Variants in CPEB1 observed in about 807,000 individuals in gnomAD.
CPEB1 encodes cytoplasmic polyadenylation element binding protein 1, also known as cytoplasmic polyadenylation element-binding protein 1.
CPEB1 carries 7 observed loss-of-function variants against 65.8 expected under a neutral mutation model. That is an observed-to-expected ratio of 0.11 (90% CI 0.06 to 0.20). The LOEUF (loss-of-function observed/expected upper bound fraction) is 0.20. Ranked by LOEUF, CPEB1 falls within the 10% of genes least tolerant of loss-of-function variation. The probability of loss-of-function intolerance (pLI) is 1.00; values close to 1 mark genes in which losing one functional copy is unlikely to be tolerated. For missense variants in CPEB1, 551 were observed against 712.2 expected (o/e 0.77, Z 2.58); for synonymous variants, 262 against 260.0 (o/e 1.01, Z -0.08).
At chr15:82,596,220 C>G (rs2042652442) in intron 3 of CPEB1, among the ~76,000 whole-genome samples, 1 of 152,082 alleles carries the variant, frequency 6.6e-6, no homozygotes, top group Non-Finnish European at 1.5e-5. Flanking sequence ...AAAAATAAAG[C>G]AGTTAAGACA....
intron 3 of CPEB1, among the ~76,000 whole-genome samples, chr15:82,577,575 G>T (rs2040800467): frequency 6.6e-6 from 1 of 152,094 alleles, no homozygotes; most frequent in Non-Finnish European, 1.5e-5. Context: ...GAATGCAGTG[G>T]CATAAACACA....
intron 10 of CPEB1, chr15:82,548,738 G>C (rs2035729980): frequency 2.2e-6 from 1 of 455,526 alleles, no homozygotes; most frequent in Non-Finnish European, 4.4e-6. Context: ...TGGGGCTTCT[G>C]AAGTCCCTGT....
rs1352033833 is a variant in CPEB1, at chr15:82,544,291, T to TTC, written c.*300_*301insGA. ...CACGTAGTTTTTTTTTTTTTTTTTT[T>TTC]TTTCCCCGCTTTTCATCTGCAAAAT... On this transcript the variant is annotated 3_prime_UTR_variant, in exon 13 of 13. Transcript: ENST00000684509. The TTC allele has an allele frequency of 8.7e-6, 2 of 229,976 alleles. No homozygotes were observed. The highest frequency in any genetic ancestry group is 4.6e-5 in the African/African-American group (2 of 43,634). 14.2% of individuals were successfully genotyped at this position (229,976 alleles called of 1,614,324 possible).
chr15:82,582,089 A>G (rs2041335668), intron 3 of CPEB1, among the ~76,000 whole-genome samples: 1 of 152,242 alleles, frequency 6.6e-6, no homozygotes, highest in Non-Finnish European at 1.5e-5. Context: ...AAAGGAGATA[A>G]TGAAACTCAC....
At chr15:82,606,634 T>A (rs1302804983) in intron 3 of CPEB1, among the ~76,000 whole-genome samples, 1 of 53,280 alleles carries the variant, frequency 1.9e-5, no homozygotes, top group Non-Finnish European at 3.7e-5. Flanking sequence ...CCGGCTAAAA[T>A]GGTGAAACCC....
At chr15:82,599,056 C>T (rs565240098) in intron 3 of CPEB1, among the ~76,000 whole-genome samples, 25 of 152,160 alleles carry the variant, frequency 1.6e-4, no homozygotes, top group Admixed American at 6.5e-5. Flanking sequence ...AGATACCAGA[C>T]GATCCATTGG....
At chr15:82,631,770 C>A (rs982585305) in intron 1 of CPEB1, among the ~76,000 whole-genome samples, 1 of 152,058 alleles carries the variant, frequency 6.6e-6, no homozygotes, top group Non-Finnish European at 1.5e-5. Context: ...ACTTAAAATG[C>A]TTAATTAAAA....
At chr15:82,590,286 A>G (rs1022921990) in intron 3 of CPEB1, among the ~76,000 whole-genome samples, 1 of 151,770 alleles carries the variant, frequency 6.6e-6, no homozygotes, top group Non-Finnish European at 1.5e-5. Flanking sequence ...GTAATTCAAG[A>G]AAGTTAACCT....
intron 3 of CPEB1, 165 bp from the exon 4 acceptor site, chr15:82,571,697 G>A (rs2040052294): frequency 2.1e-6 from 3 of 1,434,740 alleles, no homozygotes; most frequent in Non-Finnish European, 2.7e-6. Flanking sequence ...GGGACGCTGG[G>A]GCAAGAGCAG....
At chr15:82,637,456 T>A (rs1310165185) in intron 1 of CPEB1, among the ~76,000 whole-genome samples, 1 of 152,176 alleles carries the variant, frequency 6.6e-6, no homozygotes, top group Non-Finnish European at 1.5e-5. Context: ...CTCCCATGTT[T>A]AGAACTTTTC....
chr15:82,574,970 C>G (rs148967150), intron 3 of CPEB1, among the ~76,000 whole-genome samples: 5 of 152,262 alleles, frequency 3.3e-5, no homozygotes, highest in African/African-American at 1.2e-4. Flanking sequence ...AAAACTGACA[C>G]TAGCCTACAG....
At chr15:82,633,534 G>A (rs1440712693) in intron 1 of CPEB1, among the ~76,000 whole-genome samples, 1 of 152,112 alleles carries the variant, frequency 6.6e-6, no homozygotes, top group Non-Finnish European at 1.5e-5. Context: ...CACCACGCCT[G>A]GCTAATTTTT....
chr15:82,551,950 A>T (rs1260913306), intron 9 of CPEB1, among the ~76,000 whole-genome samples: 1 of 152,208 alleles, frequency 6.6e-6, no homozygotes, highest in African/African-American at 2.4e-5. Flanking sequence ...GAAAAAGCGT[A>T]GGAAGAGAGA....
Position 82,552,548 on chromosome 15 carries a change from G to C in CPEB1, c.1213C>G (p.Pro405Ala). The change falls in exon 9 of 13, where the codon CCG becomes GCG. Residue 405 changes from proline to alanine, a missense_variant. This residue lies in a region of CPEB1 where 99 missense variants were observed against 161.3 expected (regional missense o/e 0.61). Transcript: ENST00000684509. ...RSLLQACSHD[P>A]LSPDGLSEYY... ...TCACTCAGGCCATCTGGGCTCAGCG[G>C]GTCATGAGAGCAAGCCTGAAGCAAG... 1.9e-6 allele frequency: 3 copies of C among 1,612,534 alleles called. No homozygotes were observed. Among genetic ancestry groups the C allele is most frequent in the Non-Finnish European group, 2.5e-6 (3 of 1,179,380 alleles).
At chr15:82,576,411 A>G (rs2040650815) in intron 3 of CPEB1, among the ~76,000 whole-genome samples, 1 of 152,194 alleles carries the variant, frequency 6.6e-6, no homozygotes, top group Non-Finnish European at 1.5e-5. Flanking sequence ...ACACATTTAG[A>G]ATTTGTGCTC....
intron 3 of CPEB1, among the ~76,000 whole-genome samples, chr15:82,620,465 T>C (rs1022239466): frequency 6.6e-6 from 1 of 151,880 alleles, no homozygotes; most frequent in Non-Finnish European, 1.5e-5. Flanking sequence ...ATTCCATTTA[T>C]GTAAATTCAA....
chr15:82,579,568 G>C (rs1313054029), intron 3 of CPEB1, among the ~76,000 whole-genome samples: 1 of 152,118 alleles, frequency 6.6e-6, no homozygotes, highest in African/African-American at 2.4e-5. Flanking sequence ...TAAAATTTCA[G>C]TTTATGTACT....
chr15:82,624,833 CTT>C (rs5814121), intron 3 of CPEB1, among the ~76,000 whole-genome samples: 88 of 148,444 alleles, frequency 5.9e-4, no homozygotes, highest in Admixed American at 7.4e-4. Flanking sequence ...GAGTGTCATA[CTT>C]TTTTTTTTTT....
intron 4 of CPEB1, among the ~76,000 whole-genome samples, chr15:82,564,466 T>C (rs1312374862): frequency 2.6e-5 from 4 of 152,002 alleles, no homozygotes; most frequent in Non-Finnish European, 5.9e-5. Context: ...TGTGTGTGTG[T>C]GTGTTTTTAG....
Sources: gnomAD v4.1 joint callset for allele counts (sites outside exome capture counted in the v4.1 genomes callset) on GRCh38, gnomAD v4.1.1 for gene constraint, gnomAD v4.1.1 regional missense constraint, MANE v1.5 for transcripts, NCBI Gene and HGNC (gene_info 2026-07-23, HGNC 2026-07-21) for gene names.